INTS6: variants seen among roughly 807,000 people sequenced by gnomAD.
INTS6 encodes DEAD box protein.
INTS6 carries 16 observed loss-of-function variants against 104.9 expected under a neutral mutation model. That is an observed-to-expected ratio of 0.15 (90% CI 0.10 to 0.23). INTS6 has a LOEUF of 0.23. Among genes scored for constraint, INTS6 ranks in the 10% least tolerant of loss-of-function variants. The pLI is 1.00. For synonymous variants in INTS6, 324 were observed against 358.7 expected, an observed-to-expected ratio of 0.90 and a Z score of 1.09; for missense variants, 584 against 1,062.8, an observed-to-expected ratio of 0.55 and a Z score of 6.26.
intron 7 of INTS6, 163 bp from the exon 8 acceptor site, chr13:51,383,904 T>C: frequency 2.1e-6 from 1 of 476,576 alleles, no homozygotes; most frequent in Non-Finnish European, 3.6e-6. Context: ...GAAAATGTAA[T>C]GCTAAAGTTA....
intron 5 of INTS6, 140 bp downstream of exon 5, chr13:51,395,160 A>G: frequency 1.4e-6 from 1 of 703,744 alleles, no homozygotes; most frequent in South Asian, 2.4e-5. Flanking sequence ...CAATAAATGT[A>G]CTATTAAAAG....
rs761931415 is a variant in INTS6, at chr13:51,367,797, T to C, written c.2570+8A>G. The C allele has an allele frequency of 6.8e-7, 1 of 1,476,994 alleles. No individual in the cohort carries two copies. Among genetic ancestry groups the C allele is most frequent in the Admixed American group, 1.8e-5 (1 of 55,444 alleles). The allele number at this position is 1,476,994 out of a possible 1,614,324, so 91.5% of individuals were successfully genotyped here. A position where few individuals can be genotyped will look rare whatever the true frequency, so the allele number is the denominator to read the frequency against. On this transcript the variant is annotated splice_region_variant and intron_variant, in intron 17 of 17. Coordinates refer to ENST00000311234, the MANE Select transcript of INTS6 (RefSeq NM_012141.3). ...TCACCATTTCATTATATGCAATAGT[T>C]TATTTACCTTGATGCTTCTTTAATG...
chr13:51,448,648 ATGG>A (rs1686094045), intron 3 of INTS6: 1 of 152,206 alleles, frequency 6.6e-6, no homozygotes. Flanking sequence ...ATGTGGGAGA[ATGG>A]TGGATATCTA....
chr13:51,370,746 C>A (rs1566205575), intron 15 of INTS6, among the ~76,000 whole-genome samples: 1 of 152,154 alleles, frequency 6.6e-6, no homozygotes, highest in African/African-American at 2.4e-5. Context: ...TCACTTAGCA[C>A]TCTTCCCCCT....
intron 4 of INTS6, among the ~76,000 whole-genome samples, chr13:51,413,135 C>CA (rs1178316706): frequency 1.3e-5 from 2 of 152,018 alleles, no homozygotes; most frequent in Non-Finnish European, 2.9e-5. Flanking sequence ...GGCAGTCAGA[C>CA]AGTAAGCAAA....
chr13:51,340,431 T>C, the INTS6 span, among the ~76,000 whole-genome samples: 1 of 152,164 alleles, frequency 6.6e-6, no homozygotes, highest in East Asian at 1.9e-4. Context: ...GTACAATTAG[T>C]TCATGTATCA....
chr13:51,378,221 T>A lies in INTS6; in HGVS notation c.1602+18A>T. On this transcript the variant is annotated intron_variant, in intron 12 of 17. Transcript: ENST00000311234. The stretch of plus-strand genomic sequence containing the variant: ...TAACAGAACATAACTAGAGTAGCAC[T>A]AAATTCATGATTATTACCTTATTCA... 1 of 1,563,174 alleles carries A rather than the reference T, an allele frequency of 6.4e-7. No individual in the cohort carries two copies. Among genetic ancestry groups the A allele is most frequent in the Middle Eastern group, 1.7e-4 (1 of 5,776 alleles).
chr13:51,430,530 A>C (rs186912115), intron 3 of INTS6, 147 bp from the exon 4 acceptor site: 16 of 548,902 alleles, frequency 2.9e-5, no homozygotes, highest in African/African-American at 2.8e-4. Context: ...TTTTAAGAAA[A>C]GATATAGAAC....
intron 2 of INTS6, chr13:51,451,690 G>A: frequency 5.6e-6 from 1 of 179,442 alleles, no homozygotes; most frequent in Non-Finnish European, 1.1e-5. Flanking sequence ...CTCACGCCGC[G>A]GAGGGGAAAT....
At chr13:51,347,248 CT>C in the INTS6 span, 1 of 1,611,218 alleles carries the variant, frequency 6.2e-7, no homozygotes, top group Non-Finnish European at 8.5e-7. Context: ...AGCTCTGCCC[CT>C]GCTGGTTTGT....
chr13:51,347,002 C>G, the INTS6 span: 10 of 1,542,676 alleles, frequency 6.5e-6, no homozygotes, highest in Admixed American at 3.9e-5. Context: ...TAACCCATGG[C>G]CACCTTGCTT....
Position 51,367,836 on chromosome 13 carries a change from A to G in INTS6, c.2539T>C (p.Phe847Leu). Residue 847 changes from phenylalanine to leucine, a missense_variant, in exon 17 of 18, where the codon TTT (phenylalanine) becomes CTT (leucine). By Grantham distance (22) the Phe-to-Leu change is conservative. Around this residue, in one of 5 missense-constraint regions of INTS6, gnomAD observed 296 missense variants for 437.0 expected, o/e 0.68. Coordinates refer to ENST00000311234, the MANE Select transcript of INTS6 (RefSeq NM_012141.3). ...GCTTCTTTAATGACATTTTGTAAAA[A>G]TATTAGTCTTGTTTGTAAACTGCCT... ...VQGSLQTRLI[F>L]LQNVIKEASR... is the part of the protein sequence containing the mutation. The G allele has an allele frequency of 6.3e-7, 1 of 1,592,252 alleles. No homozygotes were observed. Among genetic ancestry groups the G allele is most frequent in the Non-Finnish European group, 8.6e-7 (1 of 1,168,424 alleles).
chr13:51,359,744 T>G (rs1250023004), downstream of INTS6, among the ~76,000 whole-genome samples: 8 of 152,100 alleles, frequency 5.3e-5, no homozygotes, highest in African/African-American at 1.9e-4. Context: ...TCTCGGAGAT[T>G]AGTAAAAGCC....
At chr13:51,406,343 T>C (rs1353651025) in intron 4 of INTS6, among the ~76,000 whole-genome samples, 1 of 152,174 alleles carries the variant, frequency 6.6e-6, no homozygotes, top group Non-Finnish European at 1.5e-5. Flanking sequence ...TGTTCAAAAC[T>C]GAACTTAAGA....
At chr13:51,430,879 G>A (rs1957078318) in intron 3 of INTS6, among the ~76,000 whole-genome samples, 1 of 152,122 alleles carries the variant, frequency 6.6e-6, no homozygotes, top group Non-Finnish European at 1.5e-5. Flanking sequence ...GATTTTAAGA[G>A]CTATTTCTAT....
downstream of INTS6, among the ~76,000 whole-genome samples, chr13:51,359,927 T>G (rs1201746391): frequency 1.3e-5 from 2 of 152,066 alleles, no homozygotes; most frequent in African/African-American, 4.8e-5. Context: ...AATTCTTTGC[T>G]GATTTTAGGA....
At chr13:51,367,747 C>G (rs749440647) in intron 17 of INTS6, 58 bp downstream of exon 17, 18 of 914,960 alleles carry the variant, frequency 2.0e-5, no homozygotes, top group Non-Finnish European at 3.1e-5. Flanking sequence ...AAAATACTGC[C>G]TATATAAACT....
chr13:51,387,338 A>T, intron 7 of INTS6, 48 bp downstream of exon 7: 1 of 1,501,666 alleles, frequency 6.7e-7, no homozygotes, highest in South Asian at 1.3e-5. Flanking sequence ...CTAATAGGAA[A>T]GACAGCTGAA....
At chr13:51,447,395 AC>A (rs1462232884) in intron 3 of INTS6, 2 of 152,194 alleles carry the variant, frequency 1.3e-5, no homozygotes, top group Admixed American at 1.3e-4. Context: ...TACAAAATAG[AC>A]CTTTATGCTC....
Sources: allele counts gnomAD v4.1 joint callset (sites outside exome capture counted in the v4.1 genomes callset), GRCh38; gene constraint gnomAD v4.1.1; regional missense constraint gnomAD v4.1.1; transcripts MANE v1.5; gene names NCBI Gene and HGNC (gene_info 2026-07-23, HGNC 2026-07-21).